Variants in RHOT2 observed in about 807,000 individuals in gnomAD.
The protein encoded by RHOT2 is mitochondrial Rho GTPase 2.
Under a neutral mutation model 81.6 loss-of-function variants are expected in RHOT2, and 90 were observed. The ratio of observed to expected loss-of-function variants is 1.10; its 90% CI spans 0.93 to 1.31. The LOEUF is 1.31. RHOT2 is among the 40% of genes most tolerant of loss of function. RHOT2 has a pLI of 0.00. For synonymous variants in RHOT2, 512 were observed against 370.9 expected, an observed-to-expected ratio of 1.38 and a Z score of -4.37; for missense variants, 1,014 against 841.9, an observed-to-expected ratio of 1.20 and a Z score of -2.53.
rs759329745 is a variant in RHOT2 at position 670,355 on chromosome 16, G to A, written c.436G>A (p.Glu146Lys). 2 of 1,612,688 alleles carry A rather than the reference G, an allele frequency of 1.2e-6. No individual in the cohort carries two copies. Among genetic ancestry groups the A allele is most frequent in the South Asian group, 2.2e-5 (2 of 91,074 alleles). Residue 146 changes from glutamate (E) to lysine (K), a missense_variant and splice_region_variant, in exon 7 of 19, where the codon GAG becomes AAG. Coordinates refer to ENST00000315082, the MANE Select transcript of RHOT2 (RefSeq NM_138769.3). ...GTTTCCCGAGATTGAGACCTGCGTG[G>A]AGGTGAGTAGGTCCCAGGCAGGGCC... Reference protein sequence around the residue: ...SQFPEIETCVECSAKNLRNIS... With the variant: ...SQFPEIETCVKCSAKNLRNIS...
At chr16:670,819 G>A (rs1176447005) in intron 9 of RHOT2, 46 bp downstream of exon 9, 9 of 1,602,982 alleles carry the variant, frequency 5.6e-6, no homozygotes, top group East Asian at 4.5e-5. Flanking sequence ...TTGAACCTCC[G>A]CTGCCGTTAG....
In RHOT2 at chr16:672,190, C is replaced by G; in HGVS notation, c.1195+9C>G. Reference sequence around the variant, plus strand: ...GGCCCATGCCATCACAGGTAGGCACCCACCCTCCCTGGGCCTGGGCCCAGT... The same window carrying G: ...GGCCCATGCCATCACAGGTAGGCACGCACCCTCCCTGGGCCTGGGCCCAGT... On this transcript the variant is annotated intron_variant, in intron 14 of 18. Coordinates refer to ENST00000315082, the MANE Select transcript of RHOT2 (RefSeq NM_138769.3). The G allele has an allele frequency of 1.2e-6, 2 of 1,612,696 alleles. No homozygotes were observed. Among genetic ancestry groups the G allele is most frequent in the South Asian group, 2.2e-5 (2 of 91,082 alleles).
chr16:673,205 C>T, intron 18 of RHOT2, 75 bp downstream of exon 18: 1 of 1,488,432 alleles, frequency 6.7e-7, no homozygotes, highest in Non-Finnish European at 9.2e-7. Flanking sequence ...TGGTGTCAGG[C>T]CTGGAACTGG....
chr16:673,131 G>A lies in RHOT2; in HGVS notation c.1730+1G>A, dbSNP rs559426909. 23 of 1,610,256 alleles carry A rather than the reference G, an allele frequency of 1.4e-5. No homozygotes were observed. In the Admixed American group the frequency reaches 1.8e-4, roughly 13 times the overall value. On this transcript the variant is annotated splice_donor_variant, in intron 18 of 18. Transcript: ENST00000315082. LOFTEE classifies it high-confidence loss of function. The stretch of plus-strand genomic sequence containing the variant: ...AGCTCGCCACCATGGCCGCCTTCCC[G>A]TGGGTACCCAGTAGCGCAGCCCTGG...
intron 12 of RHOT2, 23 bp downstream of exon 12, chr16:671,804 G>GGCC: frequency 6.3e-7 from 1 of 1,592,514 alleles, no homozygotes; most frequent in Non-Finnish European, 8.6e-7. Context: ...CGAGTCCCCT[G>GGCC]CCCCTGCCCC....
chr16:670,346 A>T lies in RHOT2; in HGVS notation c.427A>T (p.Thr143Ser), dbSNP rs772677924. Reference protein sequence around the residue: ...PIMSQFPEIETCVECSAKNLR... With the variant: ...PIMSQFPEIESCVECSAKNLR... ...CATGAGCCAGTTTCCCGAGATTGAGACCTGCGTGGAGGTGAGTAGGTCCCA... is the reference window on the plus strand; with the variant it reads ...CATGAGCCAGTTTCCCGAGATTGAGTCCTGCGTGGAGGTGAGTAGGTCCCA... The change falls in exon 7 of 19, where the codon ACC (threonine) becomes TCC (serine). Residue 143 changes from threonine to serine, a missense_variant. Transcript: ENST00000315082. 1.2e-6 allele frequency: 2 copies of T among 1,612,634 alleles called. No homozygotes were observed. The highest frequency in any genetic ancestry group is 1.7e-6 in the Non-Finnish European group (2 of 1,179,916).
chr16:672,518 C>T lies in RHOT2; in HGVS notation c.1356C>T (p.Gly452=). Reference sequence around the variant, plus strand: ...AGGACACGAGGGAGCAGCCTCCCGGCTACGCCATCGACACGGTGCAGGTCA... The same window carrying T: ...AGGACACGAGGGAGCAGCCTCCCGGTTACGCCATCGACACGGTGCAGGTCA... ...GHQDTREQPP[G]YAIDTVQVNG... The change falls in exon 16 of 19, where the codon GGC becomes GGT. Residue 452 remains glycine (G), a synonymous_variant. Coordinates refer to ENST00000315082, the MANE Select transcript of RHOT2 (RefSeq NM_138769.3). The T allele has an allele frequency of 1.2e-6, 2 of 1,612,640 alleles. No individual in the cohort carries two copies. The highest frequency in any genetic ancestry group is 1.1e-5 in the South Asian group (1 of 91,090).
In RHOT2 at chr16:668,638, G is replaced by C; in HGVS notation, c.179-18G>C. ...GCGGGCCTGCTGGGTCCGCAGTGGA[G>C]TCTCTTTGTCCCCCTAGAAGCCGAG... On this transcript the variant is annotated intron_variant, in intron 3 of 18. Coordinates refer to ENST00000315082, the MANE Select transcript of RHOT2 (RefSeq NM_138769.3). 2 of 1,608,966 alleles carry C rather than the reference G, an allele frequency of 1.2e-6. No homozygotes were observed. The highest frequency in any genetic ancestry group is 1.7e-6 in the Non-Finnish European group (2 of 1,178,482).
chr16:672,868 T>TC (rs1567260851), intron 17 of RHOT2, 43 bp downstream of exon 17: 2 of 1,612,444 alleles, frequency 1.2e-6, no homozygotes, highest in Non-Finnish European at 1.7e-6. Flanking sequence ...GCAGGGTCTG[T>TC]CCCTCCAGCT....
rs773845136 is a variant in RHOT2, at chr16:671,064, C to T, written c.749-19C>T. On this transcript the variant is annotated intron_variant, in intron 10 of 18. Coordinates refer to ENST00000315082, the MANE Select transcript of RHOT2 (RefSeq NM_138769.3). ...GAGGGGGCTGTGCCTGGTGCTCCCC[C>T]TGCTTTGTCTCGGTGCAGGTTTCCT... The T allele has an allele frequency of 2.5e-6, 4 of 1,608,868 alleles. No homozygotes were observed. The highest frequency in any genetic ancestry group is 3.3e-5 in the Admixed American group (2 of 59,948).
chr16:673,328 A>G (rs1192065834), intron 18 of RHOT2, 152 bp from the exon 19 acceptor site: 1 of 1,288,892 alleles, frequency 7.8e-7, no homozygotes, highest in Admixed American at 1.8e-5. Context: ...GTGCCCAGGC[A>G]TGTCCCTCCA....
chr16:670,122 G>T lies in RHOT2; in HGVS notation c.277-1G>T, dbSNP rs2038667472. 1.9e-6 allele frequency: 3 copies of T among 1,562,464 alleles called. No homozygotes were observed. The highest frequency in any genetic ancestry group is 2.4e-5 in the South Asian group (2 of 84,900). ...CTTCACAGCCAGGCTTTGCTTTTCA[G>T]ATTCGAACTAAGTGGATCCCACTGG... On this transcript the variant is annotated splice_acceptor_variant, in intron 5 of 18. Coordinates refer to ENST00000315082, the MANE Select transcript of RHOT2 (RefSeq NM_138769.3). LOFTEE classifies it high-confidence loss of function.
chr16:668,747 C>T (rs1275302718), intron 4 of RHOT2, 48 bp downstream of exon 4: 1 of 1,543,324 alleles, frequency 6.5e-7, no homozygotes, highest in African/African-American at 1.4e-5. Flanking sequence ...CGGGCTCGGC[C>T]TAATCCGCTT....
chr16:672,027 G>A (rs371637592), intron 13 of RHOT2, 25 bp downstream of exon 13: 45 of 1,611,344 alleles, frequency 2.8e-5, no homozygotes, highest in South Asian at 8.8e-5. Context: ...CACCATGCCC[G>A]CCTGCCGCAC....
At chr16:668,313 G>GGA in intron 1 of RHOT2, 40 bp from the exon 2 acceptor site, 5 of 1,290,318 alleles carry the variant, frequency 3.9e-6, no homozygotes, top group Non-Finnish European at 3.9e-6. Flanking sequence ...GGGGGGCGCC[G>GGA]TGACCTTGGC....
chr16:672,859 C>T (rs964970333), intron 17 of RHOT2, 34 bp downstream of exon 17: 12 of 1,612,482 alleles, frequency 7.4e-6, no homozygotes, highest in Admixed American at 5.0e-5. Flanking sequence ...GGCCATGGGG[C>T]AGGGTCTGTC....
At position 673,502 on chromosome 16, in the gene RHOT2, C is replaced by G; in HGVS notation, c.1753C>G (p.His585Asp). 6.2e-7 allele frequency: 1 copy of G among 1,612,708 alleles called. No individual in the cohort carries two copies. Among genetic ancestry groups the G allele is most frequent in the Non-Finnish European group, 8.5e-7 (1 of 1,179,922 alleles). ...CAGACATTTGGTCCACGCAGAGCTG[C>G]ATCCCTCTTCCTTCTGGCTCCGGGG... ...AFPHLVHAEL[H>D]PSSFWLRGLL... Residue 585 changes from histidine to aspartate, a missense_variant, in exon 19 of 19, where the codon CAT (histidine) becomes GAT (aspartate). Coordinates refer to ENST00000315082, the MANE Select transcript of RHOT2 (RefSeq NM_138769.3).
Position 673,843 on chromosome 16 carries a change from A to G in RHOT2, c.*237A>G. On this transcript the variant is annotated 3_prime_UTR_variant, in exon 19 of 19. Coordinates refer to ENST00000315082, the MANE Select transcript of RHOT2 (RefSeq NM_138769.3). ...GGCAGGTGGCTGAGCAGGAGCTCCC[A>G]AGTGCCGGCCACCGCTGTCAGGGAT... The G allele has an allele frequency of 4.8e-6, 3 of 619,276 alleles. No homozygotes were observed. Among genetic ancestry groups the G allele is most frequent in the Non-Finnish European group, 5.8e-6 (2 of 345,854 alleles). 38.4% of individuals were successfully genotyped at this position (619,276 alleles called of 1,614,324 possible). A position where few individuals can be genotyped will look rare whatever the true frequency, so the allele number is the denominator to read the frequency against.
chr16:669,229 T>C lies in RHOT2; in HGVS notation c.223-324T>C, dbSNP rs2038477912. ...TGGGTTGCAGGTGTGGCCGTGTCTGTCCTGAGCCCTCTGCTCCAAGGGTCT... is the reference window on the plus strand; with the variant it reads ...TGGGTTGCAGGTGTGGCCGTGTCTGCCCTGAGCCCTCTGCTCCAAGGGTCT... On this transcript the variant is annotated intron_variant, in intron 4 of 18. Transcript: ENST00000315082. The C allele has an allele frequency of 6.1e-6, 3 of 488,072 alleles. No homozygotes were observed. The South Asian group carries it at 6.6e-5, about 11-fold the overall frequency. The allele number at this position is 488,072 out of a possible 1,614,324, so 30.2% of individuals were successfully genotyped here.
Sources: gnomAD v4.1 joint callset for allele counts on GRCh38, gnomAD v4.1.1 for gene constraint, MANE v1.5 for transcripts, NCBI Gene and HGNC (gene_info 2026-07-23, HGNC 2026-07-21) for gene names.